Variants in VIRMA observed in about 807,000 individuals in gnomAD.
VIRMA encodes vir like m6A methyltransferase associated.
In VIRMA, 65 loss-of-function variants were observed where a neutral mutation model predicts 182.4. That is an observed-to-expected ratio of 0.36 (90% confidence interval 0.29 to 0.44). The LOEUF is 0.44. VIRMA is among the 20% of genes least tolerant of loss of function. The pLI is 1.00. For missense variants in VIRMA, 1,752 were observed against 2,158.1 expected, an observed-to-expected ratio of 0.81 and a Z score of 3.73; for synonymous variants, 709 against 743.1, an observed-to-expected ratio of 0.95 and a Z score of 0.75.
intron 16 of VIRMA, among the ~76,000 whole-genome samples, chr8:94,499,853 T>C (rs1323923364): frequency 2.0e-5 from 3 of 150,924 alleles, no homozygotes; most frequent in Non-Finnish European, 1.5e-5. Context: ...AAGAGCAGCC[T>C]GGCCAACATA....
chr8:94,536,806 C>T (rs999654605), intron 4 of VIRMA, among the ~76,000 whole-genome samples: 3 of 152,010 alleles, frequency 2.0e-5, no homozygotes, highest in South Asian at 2.1e-4. Context: ...GGTGAAACCC[C>T]GTCCCTACTA....
At chr8:94,513,599 A>G (rs542073910) in intron 11 of VIRMA, among the ~76,000 whole-genome samples, 1 of 152,248 alleles carries the variant, frequency 6.6e-6, no homozygotes, top group African/African-American at 2.4e-5. Flanking sequence ...ATAATATCAT[A>G]ATTAATGGGA....
intron 15 of VIRMA, among the ~76,000 whole-genome samples, chr8:94,508,692 A>G (rs1267317997): frequency 6.9e-6 from 1 of 145,068 alleles, no homozygotes; most frequent in African/African-American, 2.6e-5. Flanking sequence ...TGTGAAAACA[A>G]GTCATACAAA....
chr8:94,511,144 C>T (rs780563828), intron 13 of VIRMA, 41 bp downstream of exon 13: 7 of 1,589,428 alleles, frequency 4.4e-6, no homozygotes, highest in Non-Finnish European at 6.0e-6. Context: ...AAAAGTGTTA[C>T]TGCAGTCATT....
intron 2 of VIRMA, among the ~76,000 whole-genome samples, chr8:94,543,415 A>C (rs1387734843): frequency 2.0e-5 from 3 of 149,196 alleles, no homozygotes; most frequent in African/African-American, 7.3e-5. Context: ...AAAAAAAAAA[A>C]AAAAAAAAAG....
At chr8:94,501,454 C>A (rs1813984094) in intron 16 of VIRMA, among the ~76,000 whole-genome samples, 4 of 151,992 alleles carry the variant, frequency 2.6e-5, no homozygotes, top group African/African-American at 9.7e-5. Context: ...CAAAAAGAAC[C>A]ATATACAACA....
chr8:94,516,202 C>CA (rs1025034175), intron 10 of VIRMA, among the ~76,000 whole-genome samples: 2 of 151,974 alleles, frequency 1.3e-5, no homozygotes, highest in Non-Finnish European at 2.9e-5. Context: ...CACACCCACC[C>CA]AAAAAAAGTA....
chr8:94,502,266 A>G (rs965256455), intron 16 of VIRMA, among the ~76,000 whole-genome samples: 7 of 152,154 alleles, frequency 4.6e-5, no homozygotes, highest in Admixed American at 6.6e-5. Flanking sequence ...TGAGCCCGGG[A>G]GGCGAAGGCT....
chr8:94,510,370 G>A (rs751692276), intron 14 of VIRMA, 47 bp downstream of exon 14: 2 of 1,471,646 alleles, frequency 1.4e-6, no homozygotes, highest in South Asian at 1.2e-5. Context: ...AAATATATGT[G>A]TCAAAAATAA....
In VIRMA at chr8:94,538,257, T is replaced by A; in HGVS notation, c.266+3A>T. On this transcript the variant is annotated splice_donor_region_variant and intron_variant, in intron 3 of 23. Transcript: ENST00000297591. ...CTGGTGAAATTACCTAGCAGGTACA[T>A]ACCTTCCCAACCTATCGAAAACAGG... The A allele has an allele frequency of 6.2e-7, 1 of 1,601,614 alleles. No individual in the cohort carries two copies. Among genetic ancestry groups the A allele is most frequent in the Non-Finnish European group, 8.6e-7 (1 of 1,168,950 alleles).
At chr8:94,496,305 C>T (rs79992272) in intron 18 of VIRMA, 23 bp downstream of exon 18, 82 of 1,598,074 alleles carry the variant, frequency 5.1e-5, no homozygotes, top group African/African-American at 3.4e-4. Context: ...GCCTTAAGAA[C>T]GCTCTGTTTT....
intron 10 of VIRMA, among the ~76,000 whole-genome samples, chr8:94,516,339 AC>A (rs1330949934): frequency 6.6e-6 from 1 of 152,156 alleles, no homozygotes; most frequent in African/African-American, 2.4e-5. Context: ...AATTACTATC[AC>A]CCCAAAAGAA....
Position 94,492,809 on chromosome 8 carries a change from C to T in VIRMA, c.4651G>A (p.Asp1551Asn). Reference protein sequence around the residue: ...IDTDLDLVKVDLIELSEKCCS... With the variant: ...IDTDLDLVKVNLIELSEKCCS... Reference sequence around the variant, plus strand: ...CATTTTTCAGAGAGTTCAATTAAGTCAACCTTTACCTGCAGTCATAATAAT... The same window carrying T: ...CATTTTTCAGAGAGTTCAATTAAGTTAACCTTTACCTGCAGTCATAATAAT... Residue 1551 changes from aspartate to asparagine, a missense_variant, in exon 21 of 24, where the codon GAC becomes AAC. Transcript: ENST00000297591. 6.2e-7 allele frequency: 1 copy of T among 1,611,094 alleles called. No homozygotes were observed. Among genetic ancestry groups the T allele is most frequent in the Non-Finnish European group, 8.5e-7 (1 of 1,178,082 alleles).
At chr8:94,522,629 C>A (rs921697844) in intron 8 of VIRMA, among the ~76,000 whole-genome samples, 2 of 152,138 alleles carry the variant, frequency 1.3e-5, no homozygotes, top group African/African-American at 2.4e-5. Flanking sequence ...CACTTCCCTT[C>A]GCCTACTAGG....
chr8:94,543,928 T>C lies in VIRMA; in HGVS notation c.78A>G (p.Ile26Met). Residue 26 changes from isoleucine to methionine, a missense_variant, in exon 2 of 24, where the codon ATA becomes ATG. By Grantham distance (10) the Ile-to-Met change is conservative. This residue lies in a region of VIRMA where 195 missense variants were observed against 191.7 expected (regional missense o/e 1.02). Transcript: ENST00000297591. ...KHPSAEQSSH[I>M]DVVRFPCVVY... Reference sequence around the variant, plus strand: ...CCACACATGGAAAACGAACCACATCTATATGAGAACTTTGCTGTAACAAAA... The same window carrying C: ...CCACACATGGAAAACGAACCACATCCATATGAGAACTTTGCTGTAACAAAA... The C allele has an allele frequency of 1.2e-6, 2 of 1,605,998 alleles. No individual in the cohort carries two copies. The highest frequency in any genetic ancestry group is 1.7e-6 in the Non-Finnish European group (2 of 1,173,560).
chr8:94,501,188 G>A (rs1363486277), intron 16 of VIRMA, among the ~76,000 whole-genome samples: 8 of 148,436 alleles, frequency 5.4e-5, no homozygotes, highest in Admixed American at 3.4e-4. Context: ...CCCAGGAGGC[G>A]CAGGTTGCAG....
intron 4 of VIRMA, among the ~76,000 whole-genome samples, chr8:94,535,859 T>G (rs1242970314): frequency 1.3e-5 from 2 of 152,066 alleles, no homozygotes; most frequent in Non-Finnish European, 2.9e-5. Flanking sequence ...CTAAAAAGAT[T>G]AAAGGCTTTT....
In VIRMA at chr8:94,517,893, T is replaced by C; in HGVS notation, c.2563A>G (p.Ile855Val). 1 of 1,612,278 alleles carries C rather than the reference T, an allele frequency of 6.2e-7. No homozygotes were observed. The highest frequency in any genetic ancestry group is 1.1e-5 in the South Asian group (1 of 91,034). The part of the protein sequence containing the change: ...SVAYNYACIL[I>V]LVVVQSSSDV... ...CTGGAAGACTGAACCACCACCAAAA[T>C]AAGTATGCATGCGTAATTATAAGCT... Residue 855 changes from isoleucine (I) to valine (V), a missense_variant, in exon 10 of 24, where the codon ATT becomes GTT. Ile to Val is a conservative substitution (Grantham distance 29). Transcript: ENST00000297591.
intron 1 of VIRMA, among the ~76,000 whole-genome samples, chr8:94,544,668 A>C (rs1165884294): frequency 6.6e-6 from 1 of 150,448 alleles, no homozygotes; most frequent in African/African-American, 2.4e-5. Context: ...GTCTCAAAAA[A>C]AAAAAAAAAA....
Sources: gnomAD v4.1 joint callset for allele counts (sites outside exome capture counted in the v4.1 genomes callset) on GRCh38, gnomAD v4.1.1 for gene constraint, gnomAD v4.1.1 regional missense constraint, MANE v1.5 for transcripts, NCBI Gene and HGNC (gene_info 2026-07-23, HGNC 2026-07-21) for gene names.